The following SH3PXD2A variants were observed in gnomAD, a reference collection of about 807,000 sequenced individuals.
SH3PXD2A encodes the protein SH3 and PX domains 2A.
SH3PXD2A carries 32 observed loss-of-function variants against 115.2 expected under a neutral mutation model. The ratio of observed to expected loss-of-function variants is 0.28; its 90% CI spans 0.21 to 0.37. The LOEUF (loss-of-function observed/expected upper bound fraction) is 0.37, where lower values mean the gene tolerates loss of function less well. Ranked by LOEUF, SH3PXD2A falls within the 10% of genes least tolerant of loss-of-function variation. The pLI, the probability that SH3PXD2A is intolerant of heterozygous loss-of-function variation, is 1.00. For synonymous variants in SH3PXD2A, 610 were observed against 629.1 expected (o/e 0.97, Z 0.45); for missense variants, 1,328 against 1,498.7 (o/e 0.89, Z 1.88).
chr10:103,618,569 C>T (rs1175420080), intron 10 of SH3PXD2A, among the ~76,000 whole-genome samples: 1 of 152,244 alleles, frequency 6.6e-6, no homozygotes, highest in Non-Finnish European at 1.5e-5. Flanking sequence ...CACCCTGAGC[C>T]ACTGTTGTCC....
intron 7 of SH3PXD2A, chr10:103,661,747 G>A (rs61870178): frequency 0.098 from 96,849 of 985,174 alleles, 5,829 homozygotes; most frequent in South Asian, 0.27. Flanking sequence ...GTTTGAGGCC[G>A]CCAATCACTG....
At chr10:103,781,915 C>CAG (rs2038934613) in intron 2 of SH3PXD2A, among the ~76,000 whole-genome samples, 1 of 152,182 alleles carries the variant, frequency 6.6e-6, no homozygotes, top group East Asian at 1.9e-4. Context: ...CTCCTCCTTG[C>CAG]CACAGGGACA....
At chr10:103,695,513 G>GAAAAA (rs1321423150) in intron 5 of SH3PXD2A, among the ~76,000 whole-genome samples, 9 of 93,040 alleles carry the variant, frequency 9.7e-5, no homozygotes, top group African/African-American at 3.0e-4. Context: ...GTCTCAAAAA[G>GAAAAA]AAAAAAAAAA....
intron 11 of SH3PXD2A, among the ~76,000 whole-genome samples, chr10:103,614,161 G>A (rs2036472926): frequency 6.6e-6 from 1 of 151,702 alleles, no homozygotes; most frequent in Admixed American, 6.6e-5. Context: ...AGGCTGAGGT[G>A]GGAGGATTGC....
At chr10:103,663,709 C>T (rs1179005545) in intron 7 of SH3PXD2A, among the ~76,000 whole-genome samples, 2 of 152,210 alleles carry the variant, frequency 1.3e-5, no homozygotes, top group African/African-American at 2.4e-5. Context: ...GGGGGAGGCT[C>T]CCTCCAACCT....
intron 5 of SH3PXD2A, among the ~76,000 whole-genome samples, chr10:103,713,088 T>C (rs2038065099): frequency 6.6e-6 from 1 of 152,164 alleles, no homozygotes; most frequent in Admixed American, 6.5e-5. Flanking sequence ...GATATGGCCA[T>C]GGGGTGGAGC....
chr10:103,612,810 A>C, intron 12 of SH3PXD2A, 43 bp downstream of exon 12: 30 of 1,393,772 alleles, frequency 2.2e-5, no homozygotes, highest in Non-Finnish European at 2.7e-5. Flanking sequence ...CCATTCTCTA[A>C]GGAGCTTTGC....
rs553761409 is a variant in SH3PXD2A at position 103,653,973 on chromosome 10, C to G, written c.604+7010G>C. On this transcript the variant is annotated intron_variant, in intron 8 of 14. Coordinates refer to ENST00000369774, the MANE Select transcript of SH3PXD2A (RefSeq NM_001394015.1). ...CTGCTTGGGGCACATAGATGCATGC[C>G]TGCTTTGCAGTCGCAGCCCCACCAC... 2.9e-4 allele frequency among the ~76,000 whole-genome samples: 44 copies of G among 151,988 alleles called. No homozygotes were observed. The South Asian group carries it at 8.9e-3, about 31-fold the overall frequency.
chr10:103,650,978 T>A (rs1467825791), intron 8 of SH3PXD2A, among the ~76,000 whole-genome samples: 1 of 152,222 alleles, frequency 6.6e-6, no homozygotes, highest in Non-Finnish European at 1.5e-5. Flanking sequence ...GTTTGTTGAC[T>A]GAATGAGCAA....
chr10:103,688,033 C>T (rs1167956040), intron 6 of SH3PXD2A, among the ~76,000 whole-genome samples: 2 of 152,158 alleles, frequency 1.3e-5, no homozygotes, highest in Non-Finnish European at 2.9e-5. Flanking sequence ...CAGCAGACTG[C>T]AAACTTCTCT....
At chr10:103,660,276 C>T (rs2037273761) in intron 8 of SH3PXD2A, among the ~76,000 whole-genome samples, 1 of 152,168 alleles carries the variant, frequency 6.6e-6, no homozygotes, top group Non-Finnish European at 1.5e-5. Context: ...GCTCTCCTCT[C>T]TTCACCTGCC....
At chr10:103,788,219 A>T (rs1436307170) in intron 2 of SH3PXD2A, among the ~76,000 whole-genome samples, 1 of 152,144 alleles carries the variant, frequency 6.6e-6, no homozygotes, top group Non-Finnish European at 1.5e-5. Context: ...ATCCCACAAC[A>T]GCTCTATGGG....
chr10:103,691,462 C>T (rs529767355), intron 6 of SH3PXD2A, among the ~76,000 whole-genome samples: 6 of 152,112 alleles, frequency 3.9e-5, no homozygotes, highest in African/African-American at 1.4e-4. Flanking sequence ...GGCAAGCTTC[C>T]TGTGTGGGCG....
chr10:103,762,495 T>C (rs10786766), intron 3 of SH3PXD2A, among the ~76,000 whole-genome samples: 55,241 of 151,998 alleles, frequency 0.36, 11,110 homozygotes, highest in East Asian at 0.62. Context: ...GGGGCTCCCT[T>C]TCCTTCCCTC....
chr10:103,844,566 C>G (rs960217525), intron 1 of SH3PXD2A, among the ~76,000 whole-genome samples: 1 of 152,186 alleles, frequency 6.6e-6, no homozygotes, highest in Admixed American at 6.5e-5. Context: ...GGCAAGTTCC[C>G]CATGAGGAGC....
At position 103,698,979 on chromosome 10, in the gene SH3PXD2A, G is replaced by A. The variant is rs553787112; in HGVS notation, c.399-5923C>T. ...TGGGCAGTGAGGGTAGTGGGTGGACGGGCCAGGAAAGGCAAGGCTGAGCAG... is the reference window on the plus strand; with the variant it reads ...TGGGCAGTGAGGGTAGTGGGTGGACAGGCCAGGAAAGGCAAGGCTGAGCAG... On this transcript the variant is annotated intron_variant, in intron 5 of 14. Transcript: ENST00000369774. Among the ~76,000 whole-genome samples the A allele has an allele frequency of 8.5e-5, 13 of 152,202 alleles. No individual in the cohort carries two copies. The South Asian group carries it at 2.1e-3, about 24-fold the overall frequency.
At chr10:103,688,903 G>A (rs1320220031) in intron 6 of SH3PXD2A, among the ~76,000 whole-genome samples, 1 of 151,988 alleles carries the variant, frequency 6.6e-6, no homozygotes, top group Non-Finnish European at 1.5e-5. Flanking sequence ...GTCTCTCTCT[G>A]TTGCCCAGGC....
At chr10:103,770,140 A>C (rs1231765099) in intron 2 of SH3PXD2A, among the ~76,000 whole-genome samples, 1 of 152,232 alleles carries the variant, frequency 6.6e-6, no homozygotes, top group African/African-American at 2.4e-5. Flanking sequence ...CATGTAAATA[A>C]AATGAACCCA....
intron 11 of SH3PXD2A, among the ~76,000 whole-genome samples, chr10:103,616,466 G>T (rs1263006629): frequency 1.3e-5 from 2 of 152,234 alleles, no homozygotes; most frequent in African/African-American, 4.8e-5. Context: ...GTAGGTCTTG[G>T]CCAGGTAATG....
Sources: allele counts gnomAD v4.1 joint callset (sites outside exome capture counted in the v4.1 genomes callset), GRCh38; gene constraint gnomAD v4.1.1; transcripts MANE v1.5; gene names NCBI Gene and HGNC (gene_info 2026-07-23, HGNC 2026-07-21).